IL16: variants seen among roughly 807,000 people sequenced by gnomAD.
The protein encoded by IL16 is pro-interleukin-16.
In IL16, 67 loss-of-function variants were observed where a neutral mutation model predicts 110.1. The ratio of observed to expected loss-of-function variants is 0.61; its 90% CI spans 0.50 to 0.75. The LOEUF is 0.75. IL16 is among the 30% of genes least tolerant of loss of function. The pLI is 0.00. For synonymous variants in IL16, 689 were observed against 662.9 expected, an observed-to-expected ratio of 1.04 and a Z score of -0.61; for missense variants, 1,545 against 1,655.0, an observed-to-expected ratio of 0.93 and a Z score of 1.15.
rs1900750173 is a variant in IL16, at chr15:81,309,629, G to A, written c.*831G>A. On this transcript the variant is annotated 3_prime_UTR_variant, in exon 19 of 19. Coordinates refer to ENST00000683961, the MANE Select transcript of IL16 (RefSeq NM_172217.5). ...TGCAAAATTGTTTTTGGTTGGATTGGAGAAGTAATCCTAGGGAAGGGTGGT... is the reference window on the plus strand; with the variant it reads ...TGCAAAATTGTTTTTGGTTGGATTGAAGAAGTAATCCTAGGGAAGGGTGGT... The A allele has an allele frequency of 6.6e-6, 1 of 152,228 alleles. No individual in the cohort carries two copies. The highest frequency in any genetic ancestry group is 2.4e-5 in the African/African-American group (1 of 41,450). The allele number at this position is 152,228 out of a possible 1,614,324, so 9.4% of individuals were successfully genotyped here.
At position 81,225,701 on chromosome 15, in the gene IL16, T is replaced by C. The variant is rs762501329; in HGVS notation, c.302T>C (p.Phe101Ser). ...NDRGKTCRRI[F>S]FMKESSTASS... ...CGAGGCAAGACCTGTAGGAGGATATTCTTCATGAAGGTATGCCCAGGCTTT... is the reference window on the plus strand; with the variant it reads ...CGAGGCAAGACCTGTAGGAGGATATCCTTCATGAAGGTATGCCCAGGCTTT... The change falls in exon 2 of 19, where the codon TTC becomes TCC. Residue 101 changes from phenylalanine to serine, a missense_variant. Phe to Ser is a radical substitution (Grantham distance 155). Coordinates refer to ENST00000683961, the MANE Select transcript of IL16 (RefSeq NM_172217.5). 2 of 1,605,896 alleles carry C rather than the reference T, an allele frequency of 1.2e-6. No homozygotes were observed. Among genetic ancestry groups the C allele is most frequent in the African/African-American group, 2.7e-5 (2 of 74,790 alleles).
chr15:81,239,757 G>A (rs936773802), intron 2 of IL16, among the ~76,000 whole-genome samples: 13 of 151,344 alleles, frequency 8.6e-5, no homozygotes, highest in African/African-American at 1.7e-4. Context: ...CCAGGCTGGC[G>A]AGAACAGGCT....
intron 2 of IL16, among the ~76,000 whole-genome samples, chr15:81,247,273 T>G (rs1196994466): frequency 6.6e-6 from 1 of 152,074 alleles, no homozygotes; most frequent in African/African-American, 2.4e-5. Flanking sequence ...CAGCTTTTCT[T>G]CCTTTTTAAT....
At chr15:81,259,559 A>C (rs575248227) in intron 2 of IL16, among the ~76,000 whole-genome samples, 1 of 152,358 alleles carries the variant, frequency 6.6e-6, no homozygotes, top group South Asian at 2.1e-4. Flanking sequence ...AATGTAATCT[A>C]TTCATTCAAT....
At chr15:81,301,547 T>G in intron 15 of IL16, 35 bp downstream of exon 15, 1 of 1,581,648 alleles carries the variant, frequency 6.3e-7, no homozygotes, top group African/African-American at 1.4e-5. Context: ...CAGTAACCAA[T>G]GGCTTATTAT....
intron 12 of IL16, 82 bp downstream of exon 12, chr15:81,293,119 A>G: frequency 7.0e-7 from 1 of 1,433,862 alleles, no homozygotes; most frequent in Non-Finnish European, 9.4e-7. Context: ...AGTTAGTGTT[A>G]GCAGGGCCAG....
intron 10 of IL16, chr15:81,289,845 A>C: frequency 2.4e-6 from 1 of 413,580 alleles, no homozygotes; most frequent in South Asian, 1.7e-5. Context: ...CAAATAATTT[A>C]TTTTTAAAAA....
At chr15:81,200,451 C>T (rs1009321139) in intron 1 of IL16, among the ~76,000 whole-genome samples, 1 of 152,116 alleles carries the variant, frequency 6.6e-6, no homozygotes, top group Non-Finnish European at 1.5e-5. Context: ...CTCACTGCAG[C>T]CTTGACTCCG....
rs747792740 is a variant in IL16 at position 81,292,982 on chromosome 15, AAG to A, written c.1857_1858del (p.Asn620LeufsTer35). On this transcript the variant is annotated frameshift_variant, in exon 12 of 19. Transcript: ENST00000683961. LOFTEE classifies it high-confidence loss of function. ...GACAGTGACCCTCAGAAGAGTCTGG[AAG>A]AGAGAGAGAACTCCTCATGCTCTTC... 3 of 1,613,432 alleles carry A rather than the reference AAG, an allele frequency of 1.9e-6. No individual in the cohort carries two copies. The highest frequency in any genetic ancestry group is 2.5e-6 in the Non-Finnish European group (3 of 1,180,008).
intron 2 of IL16, among the ~76,000 whole-genome samples, chr15:81,244,355 T>C (rs1897461361): frequency 2.0e-5 from 3 of 152,180 alleles, no homozygotes; most frequent in Non-Finnish European, 2.9e-5. Context: ...GAATGTGCTT[T>C]AGCTGTTTTT....
At position 81,313,360 on chromosome 15, in the gene IL16, G is replaced by C; in HGVS notation, c.*4562G>C. ...ACGTTCTGTGGGAGGTAACCGCTGA[G>C]GTCGGTATGGAAGAATGTGACCAGG... On this transcript the variant is annotated 3_prime_UTR_variant, in exon 19 of 19. Coordinates refer to ENST00000683961, the MANE Select transcript of IL16 (RefSeq NM_172217.5). The C allele has an allele frequency of 6.3e-7, 1 of 1,582,262 alleles. No homozygotes were observed. Among genetic ancestry groups the C allele is most frequent in the South Asian group, 1.2e-5 (1 of 84,874 alleles).
chr15:81,254,777 C>T (rs931950062), intron 2 of IL16, among the ~76,000 whole-genome samples: 2 of 152,190 alleles, frequency 1.3e-5, no homozygotes, highest in African/African-American at 4.8e-5. Context: ...GTTCGTGGGG[C>T]TCCTACAGAG....
intron 1 of IL16, among the ~76,000 whole-genome samples, chr15:81,209,308 T>C (rs1173704562): frequency 6.6e-6 from 1 of 151,930 alleles, no homozygotes; most frequent in African/African-American, 2.4e-5. Context: ...GAGGTGGCTG[T>C]TGAAAGCAGG....
chr15:81,269,248 C>T (rs1898524957), intron 4 of IL16, among the ~76,000 whole-genome samples: 2 of 152,148 alleles, frequency 1.3e-5, no homozygotes, highest in African/African-American at 4.8e-5. Flanking sequence ...CTGGAGGCAG[C>T]GTGTTCTGTG....
At chr15:81,291,961 C>CT (rs1567040047) in intron 11 of IL16, 1 of 456,066 alleles carries the variant, frequency 2.2e-6, no homozygotes, top group Admixed American at 2.3e-5. Context: ...GAAGCTGACT[C>CT]TGAGATGGAG....
At chr15:81,266,564 A>AGCACGCTGTGCT (rs1489080146) in intron 4 of IL16, among the ~76,000 whole-genome samples, 2 of 152,208 alleles carry the variant, frequency 1.3e-5, no homozygotes, top group African/African-American at 4.8e-5. Flanking sequence ...CCCCAGCCAA[A>AGCACGCTGTGCT]GCACGCTGTG....
rs1026194807 is a variant in IL16 at position 81,308,876 on chromosome 15, G to A, written c.*78G>A. The A allele has an allele frequency of 7.7e-6, 10 of 1,303,128 alleles. No homozygotes were observed. The African/African-American group carries it at 1.5e-4, about 19-fold the overall frequency. 80.7% of individuals were successfully genotyped at this position (1,303,128 alleles called of 1,614,324 possible). A position where few individuals can be genotyped will look rare whatever the true frequency, so the allele number is the denominator to read the frequency against. On this transcript the variant is annotated 3_prime_UTR_variant, in exon 19 of 19. Coordinates refer to ENST00000683961, the MANE Select transcript of IL16 (RefSeq NM_172217.5). ...ATAACCGCTGATTCTCAGGGTCTCT[G>A]CTGCCGCCCCACCCAGATGGGGGAA...
At chr15:81,293,819 T>G (rs1377795278) in intron 12 of IL16, among the ~76,000 whole-genome samples, 1 of 152,216 alleles carries the variant, frequency 6.6e-6, no homozygotes, top group Non-Finnish European at 1.5e-5. Context: ...TAGAACCATT[T>G]TATGCGCAGG....
chr15:81,300,507 C>T (rs764967784), intron 14 of IL16, 32 bp downstream of exon 14: 4 of 1,372,986 alleles, frequency 2.9e-6, no homozygotes, highest in East Asian at 4.6e-5. Flanking sequence ...TTCTCTTTAC[C>T]TTTCTCATCT....
Sources: gnomAD v4.1 joint callset for allele counts (sites outside exome capture counted in the v4.1 genomes callset) on GRCh38, gnomAD v4.1.1 for gene constraint, MANE v1.5 for transcripts, NCBI Gene and HGNC (gene_info 2026-07-23, HGNC 2026-07-21) for gene names.